The following INTS12 variants were observed in gnomAD, a reference collection of about 807,000 sequenced individuals.
The protein encoded by INTS12 is integrator complex subunit 12.
Under a neutral mutation model 41.6 loss-of-function variants are expected in INTS12, and 13 were observed. That is an observed-to-expected ratio of 0.31 (90% CI 0.20 to 0.50). INTS12 has a LOEUF of 0.50. Among genes scored for constraint, INTS12 ranks in the 20% least tolerant of loss-of-function variants. The pLI, the probability that INTS12 is intolerant of heterozygous loss-of-function variation, is 0.98. For synonymous variants in INTS12, 199 were observed against 191.4 expected (o/e 1.04, Z -0.33); for missense variants, 432 against 541.6 (o/e 0.80, Z 2.01).
chr4:105,696,082 C>T (rs1291529309), intron 3 of INTS12, among the ~76,000 whole-genome samples: 1 of 152,160 alleles, frequency 6.6e-6, no homozygotes, highest in Non-Finnish European at 1.5e-5. Context: ...AAACTCCGGC[C>T]TCAAATGATC....
At chr4:105,704,687 C>G (rs1273781780) in intron 1 of INTS12, among the ~76,000 whole-genome samples, 1 of 152,204 alleles carries the variant, frequency 6.6e-6, no homozygotes, top group Non-Finnish European at 1.5e-5. Context: ...AACAGAGCCA[C>G]TCATACACTA....
rs368453978 is a variant in INTS12, at chr4:105,689,149, T to G, written c.658-2311A>C. ...CTCTCACCTGAAGCTGGGGAAAAAC[T>G]CCACTACTGCGTAGAGAGAAAACTA... is the stretch of plus-strand genomic sequence containing the variant. On this transcript the variant is annotated intron_variant, in intron 6 of 7. Coordinates refer to ENST00000340139, the MANE Select transcript of INTS12 (RefSeq NM_020395.4). Among the ~76,000 whole-genome samples, 14 of 152,274 alleles carry G rather than the reference T, an allele frequency of 9.2e-5. No individual in the cohort carries two copies. In the South Asian group the frequency reaches 2.5e-3, roughly 27 times the overall value.
chr4:105,688,701 C>A (rs574447113), intron 6 of INTS12, among the ~76,000 whole-genome samples: 1 of 152,312 alleles, frequency 6.6e-6, no homozygotes, highest in African/African-American at 2.4e-5. Context: ...CCACCCACAT[C>A]TAGCACTCCT....
At position 105,699,904 on chromosome 4, in the gene INTS12, C is replaced by G; in HGVS notation, c.102G>C (p.Leu34=). 1 of 1,560,284 alleles carries G rather than the reference C, an allele frequency of 6.4e-7. No individual in the cohort carries two copies. Among genetic ancestry groups the G allele is most frequent in the Non-Finnish European group, 8.8e-7 (1 of 1,141,410 alleles). The change falls in exon 3 of 8, where the codon CTG becomes CTC. Residue 34 remains leucine (L), a synonymous_variant. Transcript: ENST00000340139. ...TGCCCCGAGCCAAAGATTCATCAAG[C>G]AGTGCTTTTAGCTTTTCAGCAGAAT... ...SKDSAEKLKA[L]LDESLARGID... is the part of the protein sequence containing the mutation.
chr4:105,702,041 C>T (rs535231578), intron 2 of INTS12, among the ~76,000 whole-genome samples: 1 of 152,140 alleles, frequency 6.6e-6, no homozygotes, highest in South Asian at 2.1e-4. Context: ...GTACCCCTCC[C>T]CTAAATTACT....
chr4:105,690,365 G>A (rs1731643853), intron 6 of INTS12, among the ~76,000 whole-genome samples: 1 of 152,166 alleles, frequency 6.6e-6, no homozygotes, highest in African/African-American at 2.4e-5. Context: ...GGATTGATAG[G>A]AGGCAAGGAG....
chr4:105,701,970 T>C (rs139945314), intron 2 of INTS12, among the ~76,000 whole-genome samples: 81 of 152,290 alleles, frequency 5.3e-4, no homozygotes, highest in Non-Finnish European at 8.2e-4. Context: ...AACATTCCAG[T>C]TGGAACCTTG....
At chr4:105,683,608 C>T (rs1731402092) in intron 7 of INTS12, among the ~76,000 whole-genome samples, 3 of 152,026 alleles carry the variant, frequency 2.0e-5, no homozygotes, top group Non-Finnish European at 4.4e-5. Flanking sequence ...ATCTGAAAAC[C>T]AGATTTAGTG....
At position 105,690,582 on chromosome 4, in the gene INTS12, C is replaced by G. The variant is rs191420872; in HGVS notation, c.657+1394G>C. 4.5e-3 allele frequency among the ~76,000 whole-genome samples: 678 copies of G among 151,968 alleles called. 1 individual carries two copies. The highest frequency in any genetic ancestry group is 0.02 in the Middle Eastern group (6 of 294). Reference sequence around the variant, plus strand: ...AAACTGGATAATAGAACAACTTTCACTTTTAAATATATTGACCTTAAAGTA... The same window carrying G: ...AAACTGGATAATAGAACAACTTTCAGTTTTAAATATATTGACCTTAAAGTA... On this transcript the variant is annotated intron_variant, in intron 6 of 7. Transcript: ENST00000340139.
chr4:105,699,056 A>T (rs915515685), intron 3 of INTS12, among the ~76,000 whole-genome samples: 1 of 152,204 alleles, frequency 6.6e-6, no homozygotes. Flanking sequence ...TAACTCATTT[A>T]CTGGATCTCC....
intron 2 of INTS12, among the ~76,000 whole-genome samples, chr4:105,700,717 A>ACACACACACACG (rs1269947600): frequency 1.3e-5 from 2 of 150,966 alleles, no homozygotes; most frequent in African/African-American, 4.9e-5. Flanking sequence ...ACACACACAC[A>ACACACACACACG]CACACACACA....
intron 2 of INTS12, chr4:105,703,013 A>C (rs1732137070): frequency 3.0e-6 from 3 of 984,590 alleles, no homozygotes; most frequent in Admixed American, 6.2e-5. Context: ...ACTTGGTGTA[A>C]CTGTGTTGAT....
chr4:105,700,137 C>T (rs1183854396), intron 2 of INTS12, 123 bp from the exon 3 acceptor site: 1 of 566,682 alleles, frequency 1.8e-6, no homozygotes, highest in Non-Finnish European at 2.7e-6. Flanking sequence ...AATTTAAAAT[C>T]ACCAAAAAGT....
chr4:105,706,808 C>T (rs1056551911), intron 1 of INTS12, among the ~76,000 whole-genome samples: 5 of 152,178 alleles, frequency 3.3e-5, no homozygotes, highest in Non-Finnish European at 7.3e-5. Flanking sequence ...ATTTTTCACA[C>T]TTGTCCTACT....
At chr4:105,702,027 C>A (rs181162096) in intron 2 of INTS12, among the ~76,000 whole-genome samples, 92 of 152,020 alleles carry the variant, frequency 6.1e-4, no homozygotes, top group African/African-American at 2.2e-3. Context: ...ACTTAACAGG[C>A]TTTGTACCCC....
At chr4:105,708,051 G>A (rs1732362654) in intron 1 of INTS12, 1 of 985,270 alleles carries the variant, frequency 1.0e-6, no homozygotes, top group African/African-American at 1.7e-5. Flanking sequence ...TGTTCTTCAT[G>A]ACTTCGCAAG....
intron 6 of INTS12, among the ~76,000 whole-genome samples, chr4:105,691,140 C>T (rs1731668545): frequency 6.6e-6 from 1 of 152,052 alleles, no homozygotes; most frequent in Non-Finnish European, 1.5e-5. Context: ...GTACTTCTGA[C>T]CTTTAAAAGA....
chr4:105,703,031 T>G, intron 2 of INTS12: 1 of 984,554 alleles, frequency 1.0e-6, no homozygotes, highest in Non-Finnish European at 1.2e-6. Flanking sequence ...GATCTACACA[T>G]ACAAAAATAT....
chr4:105,695,835 T>A (rs567432794), intron 3 of INTS12, 167 bp from the exon 4 acceptor site: 2 of 636,500 alleles, frequency 3.1e-6, no homozygotes, highest in East Asian at 5.8e-5. Flanking sequence ...ATAATTGATA[T>A]ACAAACTGTA....
Sources: allele counts gnomAD v4.1 joint callset (sites outside exome capture counted in the v4.1 genomes callset), GRCh38; gene constraint gnomAD v4.1.1; transcripts MANE v1.5; gene names NCBI Gene and HGNC (gene_info 2026-07-23, HGNC 2026-07-21).